The following MITF variants were observed in gnomAD, a reference collection of about 807,000 sequenced individuals.
MITF encodes the protein microphthalmia-associated transcription factor.
Under a neutral mutation model 60.5 loss-of-function variants are expected in MITF, and 17 were observed. The ratio of observed to expected loss-of-function variants is 0.28; its 90% CI spans 0.19 to 0.42. The LOEUF (loss-of-function observed/expected upper bound fraction) is 0.42, where lower values mean the gene tolerates loss of function less well. MITF is among the 10% of genes least tolerant of loss of function. The pLI, the probability that MITF is intolerant of heterozygous loss-of-function variation, is 1.00. For synonymous variants in MITF, 260 were observed against 248.5 expected (o/e 1.05, Z -0.43); for missense variants, 622 against 683.5 (o/e 0.91, Z 1.00).
intron 1 of MITF, among the ~76,000 whole-genome samples, chr3:69,804,609 T>G (rs942539456): frequency 1.3e-5 from 2 of 152,248 alleles, no homozygotes; most frequent in Non-Finnish European, 1.5e-5. Flanking sequence ...AAAGTGCAGT[T>G]AAGAATTGGT....
intron 6 of MITF, 74 bp downstream of exon 6, chr3:69,949,242 G>C: frequency 8.7e-7 from 1 of 1,153,672 alleles, no homozygotes; most frequent in East Asian, 2.3e-5. Context: ...TATTGATATA[G>C]TGATGTGCAA....
intron 2 of MITF, among the ~76,000 whole-genome samples, chr3:69,929,329 T>C (rs2065664053): frequency 6.6e-6 from 1 of 152,124 alleles, no homozygotes; most frequent in Non-Finnish European, 1.5e-5. Flanking sequence ...GGGCTGGATA[T>C]GTGAATATGT....
chr3:69,797,372 G>C (rs1213551563), intron 1 of MITF, among the ~76,000 whole-genome samples: 1 of 151,950 alleles, frequency 6.6e-6, no homozygotes, highest in Non-Finnish European at 1.5e-5. Context: ...AGCATCTACT[G>C]TTATACTAAA....
At chr3:69,790,267 G>A (rs570378019) in intron 1 of MITF, among the ~76,000 whole-genome samples, 10 of 152,280 alleles carry the variant, frequency 6.6e-5, no homozygotes, top group African/African-American at 1.7e-4. Context: ...CTTACATGAG[G>A]TATGTAGAGG....
chr3:69,851,510 T>A (rs905590147), intron 1 of MITF, among the ~76,000 whole-genome samples: 7 of 152,140 alleles, frequency 4.6e-5, no homozygotes, highest in African/African-American at 1.2e-4. Context: ...CCTGTAGCAA[T>A]GTGGATGAAG....
intron 1 of MITF, among the ~76,000 whole-genome samples, chr3:69,822,154 G>T (rs1054605252): frequency 3.4e-4 from 52 of 152,088 alleles, no homozygotes; most frequent in African/African-American, 1.3e-3. Context: ...ACCACACCTG[G>T]CCTGTCAGCA....
chr3:69,956,777 C>T (rs952662953), intron 8 of MITF, among the ~76,000 whole-genome samples: 27 of 152,070 alleles, frequency 1.8e-4, no homozygotes, highest in African/African-American at 6.5e-4. Flanking sequence ...GAGGAGGTGG[C>T]TTTCTGAAAC....
At chr3:69,943,288 T>G (rs2066014053) in intron 5 of MITF, among the ~76,000 whole-genome samples, 1 of 152,044 alleles carries the variant, frequency 6.6e-6, no homozygotes. Flanking sequence ...GGATCTGTAC[T>G]AGCTCACTAG....
chr3:69,843,673 A>G (rs1397251295), intron 1 of MITF, among the ~76,000 whole-genome samples: 1 of 152,144 alleles, frequency 6.6e-6, no homozygotes, highest in Non-Finnish European at 1.5e-5. Context: ...ATAGTTAGTC[A>G]TGTAACTGAT....
intron 1 of MITF, among the ~76,000 whole-genome samples, chr3:69,813,160 C>A (rs1304786117): frequency 6.6e-6 from 1 of 152,126 alleles, no homozygotes; most frequent in African/African-American, 2.4e-5. Context: ...TGACATTAAA[C>A]CTGACTCAGA....
At chr3:69,951,741 A>G in intron 6 of MITF, 71 bp from the exon 7 acceptor site, 1 of 1,123,188 alleles carries the variant, frequency 8.9e-7, no homozygotes, top group Non-Finnish European at 1.4e-6. Context: ...GGGAAATGAG[A>G]TATTTTGTAG....
chr3:69,866,349 A>T, intron 1 of MITF: 1 of 1,613,726 alleles, frequency 6.2e-7, no homozygotes, highest in Non-Finnish European at 8.5e-7. Context: ...TTGTATCTGT[A>T]AGTGAAGTTT....
At chr3:69,916,774 C>T (rs886428998) in intron 2 of MITF, among the ~76,000 whole-genome samples, 9 of 152,100 alleles carry the variant, frequency 5.9e-5, no homozygotes, top group South Asian at 2.1e-4. Context: ...GATTTCATCA[C>T]GATTACATAT....
At chr3:69,845,215 T>C (rs538018068) in intron 1 of MITF, among the ~76,000 whole-genome samples, 97 of 152,212 alleles carry the variant, frequency 6.4e-4, no homozygotes, top group African/African-American at 2.2e-3. Flanking sequence ...TTTTCATAAA[T>C]TGCTTTAAGT....
chr3:69,778,726 C>T (rs1672314649), intron 1 of MITF: 1 of 152,166 alleles, frequency 6.6e-6, no homozygotes, highest in Admixed American at 6.5e-5. Context: ...CCTTCTAACA[C>T]ATATAGCTCT....
At chr3:69,792,998 C>CTT (rs58440406) in intron 1 of MITF, among the ~76,000 whole-genome samples, 2,027 of 31,086 alleles carry the variant, frequency 0.065, 428 homozygotes, top group Middle Eastern at 0.19. Flanking sequence ...AAGTCTTTAG[C>CTT]TTTTTTTTTT....
chr3:69,910,359 C>A (rs1047605649), intron 2 of MITF, among the ~76,000 whole-genome samples: 1 of 152,178 alleles, frequency 6.6e-6, no homozygotes, highest in Admixed American at 6.5e-5. Flanking sequence ...TCTGCTAGGG[C>A]AGTGCAGAAG....
chr3:69,778,358 G>A (rs973019600), intron 1 of MITF, among the ~76,000 whole-genome samples: 26 of 152,188 alleles, frequency 1.7e-4, no homozygotes, highest in Admixed American at 3.9e-4. Context: ...TGGTTCTTGG[G>A]GTAGAACCTG....
At chr3:69,866,954 G>T (rs1245073281) in intron 1 of MITF, among the ~76,000 whole-genome samples, 1 of 150,774 alleles carries the variant, frequency 6.6e-6, no homozygotes, top group African/African-American at 2.4e-5. Context: ...CATCAGAATT[G>T]TCTGCCTGGC....
Sources: allele counts gnomAD v4.1 joint callset (sites outside exome capture counted in the v4.1 genomes callset), GRCh38; gene constraint gnomAD v4.1.1; transcripts MANE v1.5; gene names NCBI Gene and HGNC (gene_info 2026-07-23, HGNC 2026-07-21).